MRPL13: variants seen among roughly 807,000 people sequenced by gnomAD.
MRPL13 encodes the protein large ribosomal subunit protein uL13m.
Under a neutral mutation model 29.0 loss-of-function variants are expected in MRPL13, and 33 were observed. The observed-to-expected ratio is 1.14, with a 90% CI of 0.86 to 1.52. The LOEUF (loss-of-function observed/expected upper bound fraction) is 1.52, where lower values mean the gene tolerates loss of function less well. MRPL13 is among the 40% of genes most tolerant of loss of function. The probability of loss-of-function intolerance (pLI) is 0.00; values close to 1 mark genes in which losing one functional copy is unlikely to be tolerated. For missense variants in MRPL13, 227 were observed against 216.7 expected, an observed-to-expected ratio of 1.05 and a Z score of -0.30; for synonymous variants, 77 against 68.4, an observed-to-expected ratio of 1.13 and a Z score of -0.62.
At chr8:120,425,234 A>C (rs1487871784) in intron 4 of MRPL13, 72 bp downstream of exon 4, 10 of 1,161,772 alleles carry the variant, frequency 8.6e-6, no homozygotes, top group Non-Finnish European at 1.3e-5. Context: ...AAATAATGAG[A>C]AGGGAGACTG....
chr8:120,442,966 C>A (rs760680879), intron 2 of MRPL13, among the ~76,000 whole-genome samples: 9 of 152,086 alleles, frequency 5.9e-5, no homozygotes, highest in Non-Finnish European at 1.3e-4. Flanking sequence ...TGGGCAGTGG[C>A]ATAAAATAGG....
At chr8:120,398,389 T>C (rs1420382889) in intron 6 of MRPL13, among the ~76,000 whole-genome samples, 3 of 151,970 alleles carry the variant, frequency 2.0e-5, no homozygotes, top group African/African-American at 7.3e-5. Flanking sequence ...CCCAGCAAAC[T>C]GCAACAGTCC....
At position 120,396,021 on chromosome 8, in the gene MRPL13, T is replaced by G; in HGVS notation, c.*83A>C. On this transcript the variant is annotated 3_prime_UTR_variant, in exon 7 of 7. Coordinates refer to ENST00000306185, the MANE Select transcript of MRPL13 (RefSeq NM_014078.6). ...ACAGGTGCTGAACTGTAGCAGTTGT[T>G]TTACTCCATCCTGTAGGTTAGAGAA... is the stretch of plus-strand genomic sequence containing the variant. The G allele has an allele frequency of 8.2e-7, 1 of 1,216,862 alleles. No individual in the cohort carries two copies. Among genetic ancestry groups the G allele is most frequent in the Non-Finnish European group, 1.2e-6 (1 of 851,172 alleles). 75.4% of individuals were successfully genotyped at this position (1,216,862 alleles called of 1,614,324 possible).
At chr8:120,407,322 A>T (rs926038637) in intron 6 of MRPL13, among the ~76,000 whole-genome samples, 28 of 152,212 alleles carry the variant, frequency 1.8e-4, no homozygotes, top group African/African-American at 6.8e-4. Flanking sequence ...AATGAAACAA[A>T]ACATCAAGTT....
intron 4 of MRPL13, among the ~76,000 whole-genome samples, 177 bp from the exon 5 acceptor site, chr8:120,420,115 A>G (rs1812852833): frequency 1.3e-5 from 2 of 151,976 alleles, no homozygotes; most frequent in South Asian, 4.1e-4. Flanking sequence ...TACTTTGTAC[A>G]TTACTATTTT....
At chr8:120,415,419 G>T (rs972063296) in intron 5 of MRPL13, 3 of 152,170 alleles carry the variant, frequency 2.0e-5, no homozygotes, top group Admixed American at 2.0e-4. Context: ...CATCAAATAA[G>T]GCAGCACTTT....
intron 6 of MRPL13, among the ~76,000 whole-genome samples, chr8:120,410,415 T>C (rs1812726995): frequency 6.6e-6 from 1 of 152,182 alleles, no homozygotes; most frequent in Non-Finnish European, 1.5e-5. Context: ...AATTTTTTTC[T>C]AATAAAGGCA....
At chr8:120,418,468 G>C (rs1278542386) in intron 5 of MRPL13, among the ~76,000 whole-genome samples, 1 of 152,020 alleles carries the variant, frequency 6.6e-6, no homozygotes, top group Non-Finnish European at 1.5e-5. Context: ...GATGCACCAT[G>C]TTGTGCTACC....
intron 2 of MRPL13, among the ~76,000 whole-genome samples, chr8:120,441,705 T>C (rs951010491): frequency 2.0e-5 from 3 of 152,140 alleles, no homozygotes; most frequent in South Asian, 2.1e-4. Flanking sequence ...GTAAGAAACA[T>C]ACTTGGGAAA....
At chr8:120,422,165 T>C (rs1812880541) in intron 4 of MRPL13, among the ~76,000 whole-genome samples, 1 of 151,740 alleles carries the variant, frequency 6.6e-6, no homozygotes, top group South Asian at 2.1e-4. Flanking sequence ...CCCCCAACCT[T>C]ACCAAGAAAA....
chr8:120,406,203 A>G (rs1362407632), intron 6 of MRPL13, among the ~76,000 whole-genome samples: 2 of 152,318 alleles, frequency 1.3e-5, no homozygotes, highest in East Asian at 3.9e-4. Context: ...CAGAAATATA[A>G]GTTGTATTTT....
intron 6 of MRPL13, among the ~76,000 whole-genome samples, chr8:120,410,788 CTT>C (rs1312421443): frequency 1.3e-5 from 2 of 148,532 alleles, no homozygotes; most frequent in African/African-American, 2.5e-5. Flanking sequence ...CTTTCTCTCT[CTT>C]TTTTTTTTGA....
chr8:120,425,235 A>C, intron 4 of MRPL13, 71 bp downstream of exon 4: 1 of 1,167,518 alleles, frequency 8.6e-7, no homozygotes, highest in Non-Finnish European at 1.3e-6. Flanking sequence ...AATAATGAGA[A>C]GGGAGACTGA....
At chr8:120,438,128 C>G (rs1019602679) in intron 2 of MRPL13, among the ~76,000 whole-genome samples, 1 of 152,138 alleles carries the variant, frequency 6.6e-6, no homozygotes. Flanking sequence ...CTTTGTGAGG[C>G]TGAGGTGAGT....
At chr8:120,417,383 A>C (rs1812816290) in intron 5 of MRPL13, among the ~76,000 whole-genome samples, 1 of 152,180 alleles carries the variant, frequency 6.6e-6, no homozygotes, top group South Asian at 2.1e-4. Context: ...AACTATAAAT[A>C]TCCTGCTCCA....
At chr8:120,407,601 G>A (rs563766709) in intron 6 of MRPL13, among the ~76,000 whole-genome samples, 10 of 151,802 alleles carry the variant, frequency 6.6e-5, no homozygotes, top group South Asian at 4.2e-4. Flanking sequence ...AGCCGAGATC[G>A]CGCCATTTCA....
intron 3 of MRPL13, among the ~76,000 whole-genome samples, chr8:120,427,993 A>G (rs1812950471): frequency 6.6e-6 from 1 of 151,958 alleles, no homozygotes; most frequent in African/African-American, 2.4e-5. Flanking sequence ...ATATTTCAAA[A>G]TTCATATGAA....
intron 4 of MRPL13, among the ~76,000 whole-genome samples, chr8:120,424,414 G>A (rs1018704406): frequency 6.6e-6 from 1 of 152,096 alleles, no homozygotes; most frequent in African/African-American, 2.4e-5. Context: ...TTGAGCCCAG[G>A]AATTTGAGTC....
chr8:120,407,762 G>C (rs1171554928), intron 6 of MRPL13, among the ~76,000 whole-genome samples: 1 of 152,096 alleles, frequency 6.6e-6, no homozygotes, highest in Non-Finnish European at 1.5e-5. Flanking sequence ...TATTTCAGCT[G>C]TAAGTCCAGG....
Sources: allele counts gnomAD v4.1 joint callset (sites outside exome capture counted in the v4.1 genomes callset), GRCh38; gene constraint gnomAD v4.1.1; transcripts MANE v1.5; gene names NCBI Gene and HGNC (gene_info 2026-07-23, HGNC 2026-07-21).